The following SFMBT1 variants were observed in gnomAD, a reference collection of about 807,000 sequenced individuals.
SFMBT1 encodes the protein Scm like with four mbt domains 1.
A neutral mutation model predicts 108.7 loss-of-function variants in SFMBT1; 32 were observed. That is an observed-to-expected ratio of 0.29 (90% CI 0.22 to 0.40). SFMBT1 has a LOEUF of 0.40. SFMBT1 is among the 10% of genes least tolerant of loss of function. The probability of loss-of-function intolerance (pLI) is 1.00; values close to 1 mark genes in which losing one functional copy is unlikely to be tolerated. For missense variants in SFMBT1, 816 were observed against 1,059.6 expected (o/e 0.77, Z 3.19); for synonymous variants, 348 against 369.5 (o/e 0.94, Z 0.67).
chr3:53,009,834 A>T (rs1011685733), intron 1 of SFMBT1, among the ~76,000 whole-genome samples: 4 of 152,260 alleles, frequency 2.6e-5, no homozygotes, highest in African/African-American at 9.6e-5. Flanking sequence ...TAGAAAAATT[A>T]TAAGGAAGAG....
chr3:53,040,702 C>T (rs931709621), intron 1 of SFMBT1, among the ~76,000 whole-genome samples: 1 of 151,952 alleles, frequency 6.6e-6, no homozygotes, highest in Non-Finnish European at 1.5e-5. Flanking sequence ...CCTCTCTCTG[C>T]ATAGTGACAT....
chr3:52,999,686 C>A (rs960632873), intron 1 of SFMBT1, among the ~76,000 whole-genome samples: 10 of 149,776 alleles, frequency 6.7e-5, no homozygotes, highest in African/African-American at 2.4e-4. Flanking sequence ...TGGCCACTTG[C>A]CATGACTCCC....
intron 1 of SFMBT1, among the ~76,000 whole-genome samples, chr3:53,035,781 T>G (rs1559558216): frequency 6.6e-6 from 1 of 152,160 alleles, no homozygotes; most frequent in African/African-American, 2.4e-5. Context: ...TTAAAATTGA[T>G]GGGGTTTCAC....
intron 4 of SFMBT1, among the ~76,000 whole-genome samples, chr3:52,939,030 T>A (rs1703105776): frequency 6.6e-6 from 1 of 152,248 alleles, no homozygotes; most frequent in Non-Finnish European, 1.5e-5. Flanking sequence ...TTACATTTCT[T>A]AAGTACATTA....
intron 2 of SFMBT1, among the ~76,000 whole-genome samples, chr3:52,966,450 C>A (rs1309869676): frequency 6.6e-6 from 1 of 150,512 alleles, no homozygotes; most frequent in Non-Finnish European, 1.5e-5. Context: ...ACAGTGAAAC[C>A]CCGTCTCTAC....
In SFMBT1 at chr3:52,925,657, T is replaced by C. The variant is rs530148927; in HGVS notation, c.1131+374A>G. Among the ~76,000 whole-genome samples the C allele has an allele frequency of 5.9e-5, 9 of 152,364 alleles. No individual in the cohort carries two copies. The South Asian group carries it at 8.3e-4, about 14-fold the overall frequency. The stretch of plus-strand genomic sequence containing the variant: ...ACCTTCTAAGCCTTTTACTGCTACA[T>C]GGCTCTTTAAACCACATGCATGTAT... On this transcript the variant is annotated intron_variant, in intron 10 of 20. Coordinates refer to ENST00000394752, the MANE Select transcript of SFMBT1 (RefSeq NM_016329.4).
chr3:52,954,544 GGTTTTGTTTT>G (rs747276052), intron 2 of SFMBT1, 133 bp from the exon 3 acceptor site: 10 of 707,484 alleles, frequency 1.4e-5, no homozygotes. Flanking sequence ...AATTAAGTGG[GGTTTTGTTTT>G]GTTTTGTTTT....
intron 4 of SFMBT1, among the ~76,000 whole-genome samples, chr3:52,940,573 G>A (rs2336540): frequency 0.091 from 13,783 of 152,148 alleles, 639 homozygotes; most frequent in African/African-American, 0.099. Context: ...AGGAAAGGGG[G>A]AAGCTCTTTC....
intron 3 of SFMBT1, among the ~76,000 whole-genome samples, chr3:52,948,148 A>T (rs1031375761): frequency 3.9e-5 from 6 of 152,222 alleles, no homozygotes; most frequent in Non-Finnish European, 8.8e-5. Context: ...ACCTGGAATT[A>T]ATGAAGTTAA....
intron 1 of SFMBT1, among the ~76,000 whole-genome samples, chr3:52,993,783 T>G (rs1575425380): frequency 6.6e-6 from 1 of 150,382 alleles, no homozygotes; most frequent in Non-Finnish European, 1.5e-5. Context: ...TATGTCAATT[T>G]TGTAACTTTT....
chr3:52,957,586 C>CA (rs1369597496), intron 2 of SFMBT1, among the ~76,000 whole-genome samples: 7 of 152,150 alleles, frequency 4.6e-5, no homozygotes, highest in Admixed American at 1.3e-4. Flanking sequence ...CTCAAAACAG[C>CA]ATGATACTTG....
intron 1 of SFMBT1, among the ~76,000 whole-genome samples, chr3:52,980,592 G>C (rs912001790): frequency 2.0e-5 from 3 of 150,868 alleles, no homozygotes; most frequent in African/African-American, 7.3e-5. Context: ...ACAATAGATT[G>C]AGGTCTACAG....
At chr3:53,036,477 A>G (rs1699873639) in intron 1 of SFMBT1, among the ~76,000 whole-genome samples, 1 of 152,238 alleles carries the variant, frequency 6.6e-6, no homozygotes, top group Admixed American at 6.5e-5. Context: ...GACAAAACAA[A>G]CACCATCGCT....
chr3:53,022,316 G>A (rs372324977), intron 1 of SFMBT1, among the ~76,000 whole-genome samples: 45 of 152,000 alleles, frequency 3.0e-4, no homozygotes, highest in East Asian at 1.7e-3. Flanking sequence ...TGAACATGGT[G>A]GCATGCGCCT....
chr3:52,961,803 TA>T, intron 2 of SFMBT1, among the ~76,000 whole-genome samples: 1 of 152,322 alleles, frequency 6.6e-6, no homozygotes, highest in South Asian at 2.1e-4. Context: ...TTTACATTAC[TA>T]AAACTTAACA....
intron 1 of SFMBT1, among the ~76,000 whole-genome samples, chr3:53,039,114 G>C (rs1008709930): frequency 6.6e-6 from 1 of 152,052 alleles, no homozygotes; most frequent in Non-Finnish European, 1.5e-5. Context: ...TCTTTTGTTC[G>C]AATAAGCAAG....
intron 17 of SFMBT1, among the ~76,000 whole-genome samples, chr3:52,908,072 CTTT>C (rs917544866): frequency 1.5e-5 from 2 of 134,492 alleles, no homozygotes; most frequent in Admixed American, 7.5e-5. Context: ...TTGTGTGTGA[CTTT>C]TTTTTTTTTT....
intron 1 of SFMBT1, among the ~76,000 whole-genome samples, chr3:53,001,643 C>T (rs902695666): frequency 1.3e-5 from 2 of 148,768 alleles, no homozygotes; most frequent in Admixed American, 1.4e-4. Context: ...GTGGCCGCGC[C>T]TGTAAATTTT....
intron 4 of SFMBT1, among the ~76,000 whole-genome samples, chr3:52,936,180 C>T (rs552971771): frequency 2.6e-5 from 4 of 152,178 alleles, no homozygotes; most frequent in Non-Finnish European, 5.9e-5. Flanking sequence ...TGATTCATTA[C>T]GGGCTCAATG....
Sources: allele counts gnomAD v4.1 joint callset (sites outside exome capture counted in the v4.1 genomes callset), GRCh38; gene constraint gnomAD v4.1.1; transcripts MANE v1.5; gene names NCBI Gene and HGNC (gene_info 2026-07-23, HGNC 2026-07-21).